The following PTPRN2 variants were observed in gnomAD, a reference collection of about 807,000 sequenced individuals.
PTPRN2 encodes the protein receptor-type tyrosine-protein phosphatase N2.
Under a neutral mutation model 118.8 loss-of-function variants are expected in PTPRN2, and 74 were observed. The observed-to-expected ratio is 0.62, with a 90% confidence interval of 0.52 to 0.76. PTPRN2 has a LOEUF of 0.76. Among genes scored for constraint, PTPRN2 ranks in the 30% least tolerant of loss-of-function variants. The pLI is 0.00. For missense variants in PTPRN2, 1,481 were observed against 1,394.4 expected, an observed-to-expected ratio of 1.06 and a Z score of -0.99; for synonymous variants, 641 against 608.0, an observed-to-expected ratio of 1.05 and a Z score of -0.80.
At chr7:158,415,389 C>T (rs1408501141) in intron 2 of PTPRN2, among the ~76,000 whole-genome samples, 1 of 152,164 alleles carries the variant, frequency 6.6e-6, no homozygotes, top group Non-Finnish European at 1.5e-5. Flanking sequence ...CAGGCCCTAC[C>T]CACCATCCTC....
At chr7:158,011,498 G>A (rs890930484) in intron 11 of PTPRN2, among the ~76,000 whole-genome samples, 2 of 152,204 alleles carry the variant, frequency 1.3e-5, no homozygotes, top group Admixed American at 1.3e-4. Context: ...CAAACCGTCA[G>A]ACCATCGTCA....
chr7:158,557,760 C>T (rs1045704256), intron 1 of PTPRN2, among the ~76,000 whole-genome samples: 3 of 152,164 alleles, frequency 2.0e-5, no homozygotes, highest in African/African-American at 4.8e-5. Flanking sequence ...AGCACCATGG[C>T]GCCTAGAAGT....
intron 12 of PTPRN2, among the ~76,000 whole-genome samples, chr7:157,853,615 G>A (rs963278219): frequency 3.3e-5 from 5 of 152,122 alleles, no homozygotes; most frequent in South Asian, 2.1e-4. Context: ...AGAGCTGAGC[G>A]CTCAGGAAGG....
intron 6 of PTPRN2, among the ~76,000 whole-genome samples, chr7:158,139,582 A>G (rs1209631469): frequency 1.3e-5 from 2 of 152,094 alleles, no homozygotes; most frequent in Admixed American, 1.3e-4. Flanking sequence ...GACTCAAGAC[A>G]GTCACTAAGT....
At chr7:158,238,774 C>A (rs777921333) in intron 3 of PTPRN2, among the ~76,000 whole-genome samples, 23 of 152,126 alleles carry the variant, frequency 1.5e-4, no homozygotes, top group African/African-American at 5.3e-4. Context: ...AGGGGCAGAC[C>A]AGGTCCTGGT....
intron 2 of PTPRN2, among the ~76,000 whole-genome samples, chr7:158,354,018 C>A (rs1446470460): frequency 2.0e-5 from 3 of 152,186 alleles, no homozygotes; most frequent in South Asian, 2.1e-4. Context: ...CGCAGCCCCA[C>A]GCTGCAGGAC....
rs553374811 is a variant in PTPRN2 at position 157,840,622 on chromosome 7, G to T, written c.1788+58051C>A. Among the ~76,000 whole-genome samples the T allele has an allele frequency of 1.2e-3, 182 of 152,324 alleles. 1 individual carries two copies. The highest frequency in any genetic ancestry group is 4.2e-3 in the African/African-American group (174 of 41,572). On this transcript the variant is annotated intron_variant, in intron 12 of 22. Coordinates refer to ENST00000389418, the MANE Select transcript of PTPRN2 (RefSeq NM_002847.5). ...AGCCCACAGAGCAGGCCCCGTGTTG[G>T]GGGGAAGTTGGAATTTAGGGAGTGG...
chr7:158,068,008 G>T (rs1465206411), intron 11 of PTPRN2, among the ~76,000 whole-genome samples: 1 of 152,220 alleles, frequency 6.6e-6, no homozygotes, highest in Non-Finnish European at 1.5e-5. Flanking sequence ...GGACCTTGCA[G>T]CTGGGAGATG....
rs780735725 is a variant in PTPRN2 at position 158,138,448 on chromosome 7, G to A, written c.978C>T (p.Gly326=). The change falls in exon 7 of 23, where the codon GGC becomes GGT. Residue 326 remains glycine, a synonymous_variant. Coordinates refer to ENST00000389418, the MANE Select transcript of PTPRN2 (RefSeq NM_002847.5). The part of the protein sequence containing the change: ...RQPAEVRGLS[G]LELDGMAELM... ...GCTCAGCCATGCCGTCCAGCTCCAG[G>A]CCACTCAGGCCCCTCACCTCAGCCG... The A allele has an allele frequency of 3.1e-5, 50 of 1,613,122 alleles. No individual in the cohort carries two copies. The highest frequency in any genetic ancestry group is 4.1e-5 in the Non-Finnish European group (48 of 1,179,922).
chr7:158,361,677 G>A (rs1808984260), intron 2 of PTPRN2, among the ~76,000 whole-genome samples: 1 of 152,184 alleles, frequency 6.6e-6, no homozygotes, highest in Non-Finnish European at 1.5e-5. Flanking sequence ...CATGGACCTT[G>A]GGGGCACTCC....
At chr7:157,798,764 G>T (rs1196289109) in intron 12 of PTPRN2, among the ~76,000 whole-genome samples, 1 of 150,740 alleles carries the variant, frequency 6.6e-6, no homozygotes, top group Non-Finnish European at 1.5e-5. Context: ...AAGTATTACA[G>T]ATGGCTCTAC....
At chr7:157,759,742 T>C (rs1802021419) in intron 12 of PTPRN2, among the ~76,000 whole-genome samples, 1 of 152,238 alleles carries the variant, frequency 6.6e-6, no homozygotes, top group South Asian at 2.1e-4. Context: ...ACAAATAATG[T>C]ACGCGTTGAG....
chr7:158,041,853 A>C (rs1188660457), intron 11 of PTPRN2, among the ~76,000 whole-genome samples: 1 of 152,174 alleles, frequency 6.6e-6, no homozygotes, highest in Non-Finnish European at 1.5e-5. Context: ...GACCCTTCCC[A>C]ATCACACTTC....
intron 9 of PTPRN2, among the ~76,000 whole-genome samples, chr7:158,126,608 G>A (rs1267972105): frequency 5.1e-5 from 4 of 78,282 alleles, no homozygotes; most frequent in South Asian, 1.3e-3. Context: ...CTTCCTCTCC[G>A]CCACACCAGC....
chr7:158,527,883 C>T lies in PTPRN2; in HGVS notation c.113-38098G>A, dbSNP rs144129487. Among the ~76,000 whole-genome samples the T allele has an allele frequency of 1.2e-3, 183 of 152,230 alleles. 1 individual carries two copies. The highest frequency in any genetic ancestry group is 4.2e-3 in the African/African-American group (176 of 41,524). The stretch of plus-strand genomic sequence containing the variant: ...CATCTCACCTGCCCCACAAGCTGCG[C>T]CTCGGTGCTGCTGTCTCAACCACCT... On this transcript the variant is annotated intron_variant, in intron 1 of 22. Coordinates refer to ENST00000389418, the MANE Select transcript of PTPRN2 (RefSeq NM_002847.5).
chr7:157,861,925 C>G lies in PTPRN2; in HGVS notation c.1788+36748G>C, dbSNP rs1358318140. On this transcript the variant is annotated intron_variant, in intron 12 of 22. Transcript: ENST00000389418. This position sits in a 1 kb window ranked among gnomAD's most constrained non-coding sequence, Gnocchi z 5.8. Reference sequence around the variant, plus strand: ...CTTCGAGGACTCTGTGTGCCGGAGTCTGTCCTCCCCATCACAGGGACACTG... The same window carrying G: ...CTTCGAGGACTCTGTGTGCCGGAGTGTGTCCTCCCCATCACAGGGACACTG... Among the ~76,000 whole-genome samples the G allele has an allele frequency of 8.1e-5, 8 of 98,808 alleles. No individual in the cohort carries two copies. Among genetic ancestry groups the G allele is most frequent in the African/African-American group, 3.3e-4 (8 of 24,516 alleles). 64.8% of individuals were successfully genotyped at this position (98,808 alleles called of 152,430 possible).
chr7:158,146,932 C>T lies in PTPRN2; in HGVS notation c.911-8417G>A, dbSNP rs73745152. On this transcript the variant is annotated intron_variant, in intron 6 of 22. Coordinates refer to ENST00000389418, the MANE Select transcript of PTPRN2 (RefSeq NM_002847.5). ...AGAGACTGAATGACACCCCATCTCA[C>T]GCCACGTGTCTTTCCCCCTCAATGA... Among the ~76,000 whole-genome samples the T allele has an allele frequency of 7.5e-3, 1,118 of 149,726 alleles. 72 individuals carry two copies. The highest frequency in any genetic ancestry group is 0.026 in the African/African-American group (1,059 of 40,110).
At position 158,438,223 on chromosome 7, in the gene PTPRN2, C is replaced by A. The variant is rs901874811; in HGVS notation, c.163+51512G>T. ...TGAAACCCCGTCTCTACTAAAAATA[C>A]AAAAATTAGCCAGGCGTGGTGGTGC... On this transcript the variant is annotated intron_variant, in intron 2 of 22. Transcript: ENST00000389418. The surrounding 1 kb of genome is among the most constrained non-coding windows in gnomAD (Gnocchi z 4.7). 1.3e-5 allele frequency among the ~76,000 whole-genome samples: 2 copies of A among 152,052 alleles called. No homozygotes were observed. Among genetic ancestry groups the A allele is most frequent in the Admixed American group, 1.3e-4 (2 of 15,272 alleles).
At chr7:157,542,475 T>C (rs1423337769) in intron 22 of PTPRN2, among the ~76,000 whole-genome samples, 10 of 150,630 alleles carry the variant, frequency 6.6e-5, no homozygotes, top group Admixed American at 6.6e-4. Flanking sequence ...AGCCCCATCA[T>C]GCAGTGGAGG....
Sources: allele counts gnomAD v4.1 joint callset (sites outside exome capture counted in the v4.1 genomes callset), GRCh38; gene constraint gnomAD v4.1.1; non-coding constraint Gnocchi (gnomAD v3.1); transcripts MANE v1.5; gene names NCBI Gene and HGNC (gene_info 2026-07-23, HGNC 2026-07-21).